IKZF3: variants seen among roughly 807,000 people sequenced by gnomAD.
The protein encoded by IKZF3 is IKAROS family zinc finger 3.
Under a neutral mutation model 49.0 loss-of-function variants are expected in IKZF3, and 10 were observed. The observed-to-expected ratio is 0.20, with a 90% CI of 0.13 to 0.35. IKZF3 has a LOEUF of 0.35. Ranked by LOEUF, IKZF3 falls within the 10% of genes least tolerant of loss-of-function variation. IKZF3 has a pLI of 1.00. For synonymous variants in IKZF3, 209 were observed against 228.2 expected (o/e 0.92, Z 0.76); for missense variants, 498 against 664.8 (o/e 0.75, Z 2.76).
intron 1 of IKZF3, among the ~76,000 whole-genome samples, chr17:39,853,690 C>T (rs1015192038): frequency 1.3e-5 from 2 of 151,902 alleles, no homozygotes; most frequent in African/African-American, 4.8e-5. Flanking sequence ...ACAAAATTAG[C>T]CAGGCGTGGT....
At chr17:39,846,926 G>GTTT (rs1418550934) in intron 1 of IKZF3, among the ~76,000 whole-genome samples, 4 of 151,816 alleles carry the variant, frequency 2.6e-5, no homozygotes, top group Non-Finnish European at 5.9e-5. Flanking sequence ...CCAGCTGTCA[G>GTTT]GCACCAGAGG....
chr17:39,777,927 G>A, intron 6 of IKZF3, 160 bp from the exon 7 acceptor site: 1 of 1,353,432 alleles, frequency 7.4e-7, no homozygotes, highest in South Asian at 1.8e-5. Context: ...ACCTGCTGTG[G>A]TCAGTGAAGC....
intron 3 of IKZF3, among the ~76,000 whole-genome samples, chr17:39,822,962 A>G (rs2061850838): frequency 6.6e-6 from 1 of 152,136 alleles, no homozygotes; most frequent in Non-Finnish European, 1.5e-5. Flanking sequence ...CTATAAAGAT[A>G]CCCAAAAATG....
chr17:39,853,798 C>T (rs2062953983), intron 1 of IKZF3, among the ~76,000 whole-genome samples: 1 of 144,932 alleles, frequency 6.9e-6, no homozygotes. Flanking sequence ...TCGCACCATT[C>T]CACTCCAGCC....
rs371603555 is a variant in IKZF3, at chr17:39,855,927, G to A, written c.7+8193C>T. Among the ~76,000 whole-genome samples, 260 of 151,154 alleles carry A rather than the reference G, an allele frequency of 1.7e-3. 1 individual carries two copies. The highest frequency in any genetic ancestry group is 5.9e-3 in the African/African-American group (245 of 41,190). ...TAAGTATTTAAGATTTATAATATAC[G>A]ATGATGATGTAACATGTATTATAAT... On this transcript the variant is annotated intron_variant, in intron 1 of 7. Coordinates refer to ENST00000346872, the MANE Select transcript of IKZF3 (RefSeq NM_012481.5).
intron 1 of IKZF3, among the ~76,000 whole-genome samples, chr17:39,853,528 A>AT (rs1004377491): frequency 2.0e-5 from 3 of 152,034 alleles, no homozygotes; most frequent in Non-Finnish European, 2.9e-5. Context: ...GCTTGTCAAA[A>AT]TTTTTTTTAT....
intron 3 of IKZF3, among the ~76,000 whole-genome samples, chr17:39,805,330 A>G (rs540563874): frequency 6.6e-6 from 1 of 152,346 alleles, no homozygotes; most frequent in Admixed American, 6.5e-5. Context: ...ACAGATTGCA[A>G]TTTTGCCTAA....
chr17:39,854,908 C>T lies in IKZF3; in HGVS notation c.7+9212G>A, dbSNP rs193301949. Among the ~76,000 whole-genome samples, 497 of 152,120 alleles carry T rather than the reference C, an allele frequency of 3.3e-3. 4 individuals carry two copies. The highest frequency in any genetic ancestry group is 7.0e-3 in the Admixed American group (107 of 15,280). On this transcript the variant is annotated intron_variant, in intron 1 of 7. Coordinates refer to ENST00000346872, the MANE Select transcript of IKZF3 (RefSeq NM_012481.5). The stretch of plus-strand genomic sequence containing the variant: ...CTGTGTTGTGGAGTATCTTAAATGT[C>T]CAACCAAAAAATATTTAAAATGGTG...
chr17:39,783,477 G>A (rs1030154352), intron 6 of IKZF3, among the ~76,000 whole-genome samples: 1 of 152,100 alleles, frequency 6.6e-6, no homozygotes, highest in East Asian at 1.9e-4. Flanking sequence ...GCATGCTATC[G>A]TGCCTGGCTA....
intron 1 of IKZF3, among the ~76,000 whole-genome samples, chr17:39,850,770 A>ATATATAATATGC (rs2062834871): frequency 1.3e-5 from 1 of 76,122 alleles, no homozygotes; most frequent in Non-Finnish European, 2.6e-5. Context: ...ATTATATATA[A>ATATATAATATGC]TATATAGTAT....
At chr17:39,790,044 G>A (rs2060978873) in intron 5 of IKZF3, among the ~76,000 whole-genome samples, 2 of 152,216 alleles carry the variant, frequency 1.3e-5, no homozygotes, top group Admixed American at 6.5e-5. Context: ...CTTGAAATAT[G>A]TAAGTAATAA....
chr17:39,779,951 G>A (rs988631788), intron 6 of IKZF3, among the ~76,000 whole-genome samples: 2 of 152,138 alleles, frequency 1.3e-5, no homozygotes, highest in African/African-American at 4.8e-5. Flanking sequence ...TGTAATCCCA[G>A]TGCTTTGGGA....
intron 1 of IKZF3, among the ~76,000 whole-genome samples, chr17:39,848,499 TATTG>T (rs996393155): frequency 2.6e-5 from 4 of 152,192 alleles, no homozygotes; most frequent in Non-Finnish European, 5.9e-5. Flanking sequence ...GAATCTAACA[TATTG>T]AAATGAAGAC....
chr17:39,846,029 T>C (rs2062621815), intron 1 of IKZF3, among the ~76,000 whole-genome samples: 1 of 152,222 alleles, frequency 6.6e-6, no homozygotes, highest in Non-Finnish European at 1.5e-5. Context: ...CATTTTCTTA[T>C]TTCATTTAAA....
intron 3 of IKZF3, among the ~76,000 whole-genome samples, chr17:39,805,959 T>C (rs1009784845): frequency 5.9e-5 from 9 of 152,226 alleles, no homozygotes; most frequent in South Asian, 4.1e-4. Flanking sequence ...GGATGGGTAT[T>C]GGTAATTACA....
At chr17:39,858,655 C>T (rs753932904) in intron 1 of IKZF3, among the ~76,000 whole-genome samples, 23 of 151,752 alleles carry the variant, frequency 1.5e-4, no homozygotes, top group African/African-American at 1.9e-4. Context: ...GGACTACAGG[C>T]GCCTGTAACC....
At position 39,841,597 on chromosome 17, in the gene IKZF3, T is replaced by A. The variant is rs552285663; in HGVS notation, c.8-9446A>T. 3.5e-4 allele frequency among the ~76,000 whole-genome samples: 54 copies of A among 152,228 alleles called. 1 individual carries two copies. Among genetic ancestry groups the A allele is most frequent in the Admixed American group, 3.5e-3 (53 of 15,296 alleles). The stretch of plus-strand genomic sequence containing the variant: ...TGCCAAGTGCCAATGGGAGACTGGT[T>A]GTATTACATAGTGGAGGAATGGTCA... On this transcript the variant is annotated intron_variant, in intron 1 of 7. Coordinates refer to ENST00000346872, the MANE Select transcript of IKZF3 (RefSeq NM_012481.5).
At chr17:39,836,256 T>C (rs1422602079) in intron 1 of IKZF3, among the ~76,000 whole-genome samples, 3 of 152,096 alleles carry the variant, frequency 2.0e-5, no homozygotes, top group Admixed American at 6.5e-5. Context: ...CCCAGACCCA[T>C]GCTGGCACCC....
At chr17:39,849,525 G>T (rs1342551102) in intron 1 of IKZF3, among the ~76,000 whole-genome samples, 1 of 152,108 alleles carries the variant, frequency 6.6e-6, no homozygotes, top group Non-Finnish European at 1.5e-5. Context: ...CAGGTGGGGC[G>T]GTAGTCACCT....
Sources: allele counts gnomAD v4.1 joint callset (sites outside exome capture counted in the v4.1 genomes callset), GRCh38; gene constraint gnomAD v4.1.1; transcripts MANE v1.5; gene names NCBI Gene and HGNC (gene_info 2026-07-23, HGNC 2026-07-21).